The following SHISA8 variants were observed in gnomAD, a reference collection of about 807,000 sequenced individuals.
SHISA8 encodes protein shisa-8.
SHISA8 carries 21 observed loss-of-function variants against 21.1 expected under a neutral mutation model. That is an observed-to-expected ratio of 0.99 (90% CI 0.71 to 1.43). The LOEUF (loss-of-function observed/expected upper bound fraction) is 1.43, where lower values mean the gene tolerates loss of function less well. Among genes scored for constraint, SHISA8 ranks in the 40% most tolerant of loss-of-function variants. The pLI is 0.00. For synonymous variants in SHISA8, 300 were observed against 291.4 expected (o/e 1.03, Z -0.30); for missense variants, 535 against 599.1 (o/e 0.89, Z 1.12).
In SHISA8 at chr22:41,914,204, G is replaced by T. The variant is rs2077569918; in HGVS notation, c.464C>A (p.Ala155Asp). The change falls in exon 1 of 4, where the codon GCC becomes GAC. Residue 155 changes from alanine (A) to aspartate (D), a missense_variant. By Grantham distance (126) the Ala-to-Asp change is moderately radical (BLOSUM62 -2). Coordinates refer to ENST00000621082, the MANE Select transcript of SHISA8 (RefSeq NM_001207020.3). The surrounding 1 kb of genome is among the most constrained non-coding windows in gnomAD (Gnocchi z 6.8). ...CAGTCCCAGGCGCGCCCCGATGCCG[G>T]CCAGCACCAGCAGCGCTGCGACGCC... Reference protein sequence around the residue: ...VCGVAALLVLAGIGARLGLER... With the variant: ...VCGVAALLVLDGIGARLGLER... 1.4e-6 allele frequency: 2 copies of T among 1,462,798 alleles called. No individual in the cohort carries two copies. The highest frequency in any genetic ancestry group is 2.5e-5 in the Admixed American group (1 of 39,398). 90.6% of individuals were successfully genotyped at this position (1,462,798 alleles called of 1,614,324 possible). A position where few individuals can be genotyped will look rare whatever the true frequency, so the allele number is the denominator to read the frequency against.
rs1300517426 is a variant in SHISA8, at chr22:41,915,024, C to T, written c.-357G>A. Among the ~76,000 whole-genome samples, 2 of 151,888 alleles carry T rather than the reference C, an allele frequency of 1.3e-5. No individual in the cohort carries two copies. The highest frequency in any genetic ancestry group is 2.9e-5 in the Non-Finnish European group (2 of 67,932). On this transcript the variant is annotated 5_prime_UTR_variant, in exon 1 of 4. Transcript: ENST00000621082. The surrounding 1 kb of genome is among the most constrained non-coding windows in gnomAD (Gnocchi z 5.0). ...GCGGAGGCCGCGCCGGGGCCGCGGG[C>T]CGCCCGACTGCGCTACCTTCCCGCC...
At position 41,914,297 on chromosome 22, in the gene SHISA8, G is replaced by C; in HGVS notation, c.371C>G (p.Ala124Gly). The C allele has an allele frequency of 1.6e-6, 2 of 1,251,858 alleles. No individual in the cohort carries two copies. The highest frequency in any genetic ancestry group is 1.0e-6 in the Non-Finnish European group (1 of 1,001,610). 77.5% of individuals were successfully genotyped at this position (1,251,858 alleles called of 1,614,324 possible). A position where few individuals can be genotyped will look rare whatever the true frequency, so the allele number is the denominator to read the frequency against. The stretch of plus-strand genomic sequence containing the variant: ...GTCCCGGGGCGCTGCGGTGTCGCGG[G>C]CGCGGGCGGGCGGCCGGCCTGTCTG... Reference protein sequence around the residue: ...WVQTGRPPARARDTAAPRDPG... With the variant: ...WVQTGRPPARGRDTAAPRDPG... Residue 124 changes from alanine to glycine, a missense_variant, in exon 1 of 4, where the codon GCC becomes GGC. Physicochemically the swap from Ala to Gly is moderately conservative, Grantham distance 60. Coordinates refer to ENST00000621082, the MANE Select transcript of SHISA8 (RefSeq NM_001207020.3). This position sits in a 1 kb window ranked among gnomAD's most constrained non-coding sequence, Gnocchi z 6.8.
intron 2 of SHISA8, 97 bp downstream of exon 2, chr22:41,911,119 G>GTTCC: frequency 8.2e-7 from 1 of 1,224,628 alleles, no homozygotes; most frequent in Non-Finnish European, 1.0e-6. Flanking sequence ...ATTTCCACCG[G>GTTCC]GGAAGCCTCT....
intron 1 of SHISA8, among the ~76,000 whole-genome samples, chr22:41,912,643 G>A (rs1198066857): frequency 1.3e-5 from 2 of 152,172 alleles, no homozygotes; most frequent in Non-Finnish European, 2.9e-5. Flanking sequence ...GCAGAATGAA[G>A]GGTGAGACTC....
rs1219579923 is a variant in SHISA8 at position 41,914,466 on chromosome 22, C to A, written c.202G>T (p.Gly68Cys). ...CAGTTGAAGGGCGGGTCCCACTGGC[C>A]CATCACGTCGTAGTAGCCGCGGCAG... ...DRCRGYYDVM[G>C]QWDPPFNCSS... Residue 68 changes from glycine to cysteine, a missense_variant, in exon 1 of 4, where the codon GGC becomes TGC. By Grantham distance (159) the Gly-to-Cys change is radical. Transcript: ENST00000621082. This position sits in a 1 kb window ranked among gnomAD's most constrained non-coding sequence, Gnocchi z 6.8. 7.5e-7 allele frequency: 1 copy of A among 1,339,862 alleles called. No homozygotes were observed. Among genetic ancestry groups the A allele is most frequent in the South Asian group, 1.9e-5 (1 of 51,328 alleles). The allele number at this position is 1,339,862 out of a possible 1,614,324, so 83.0% of individuals were successfully genotyped here. A position where few individuals can be genotyped will look rare whatever the true frequency, so the allele number is the denominator to read the frequency against.
Position 41,910,334 on chromosome 22 carries a change from C to A in SHISA8, c.811+74G>T. 1 of 1,257,242 alleles carries A rather than the reference C, an allele frequency of 8.0e-7. No individual in the cohort carries two copies. Among genetic ancestry groups the A allele is most frequent in the South Asian group, 2.8e-5 (1 of 36,262 alleles). 77.9% of individuals were successfully genotyped at this position (1,257,242 alleles called of 1,614,324 possible). On this transcript the variant is annotated intron_variant, in intron 3 of 3. Transcript: ENST00000621082. This position sits in a 1 kb window ranked among gnomAD's most constrained non-coding sequence, Gnocchi z 6.8. ...GGAACTGGGAATTTGGCGCTTGGAG[C>A]TGCGGCCCCGCGCTTCGCAGTCCGG...
rs952469133 is a variant in SHISA8, at chr22:41,910,155, G to T, written c.812-8C>A. The T allele has an allele frequency of 8.1e-7, 1 of 1,237,190 alleles. No individual in the cohort carries two copies. The highest frequency in any genetic ancestry group is 1.6e-5 in the African/African-American group (1 of 64,128). 76.6% of individuals were successfully genotyped at this position (1,237,190 alleles called of 1,614,324 possible). ...AGTCCCGCGGGGCGGCCTCTGCGGG[G>T]ACAGGGCAGGGAAGAGTGACGCCGC... On this transcript the variant is annotated splice_region_variant and splice_polypyrimidine_tract_variant and intron_variant, in intron 3 of 3. Transcript: ENST00000621082. The surrounding 1 kb of genome is among the most constrained non-coding windows in gnomAD (Gnocchi z 6.8).
Position 41,914,208 on chromosome 22 carries a change from G to T in SHISA8, c.460C>A (p.Leu154Met). The change falls in exon 1 of 4, where the codon CTG becomes ATG. Residue 154 changes from leucine to methionine, a missense_variant. Transcript: ENST00000621082. The surrounding 1 kb of genome is among the most constrained non-coding windows in gnomAD (Gnocchi z 6.8). ...AVCGVAALLVLAGIGARLGLE... is the reference protein window; with the variant it reads ...AVCGVAALLVMAGIGARLGLE... ...CCCAGGCGCGCCCCGATGCCGGCCA[G>T]CACCAGCAGCGCTGCGACGCCGCAC... The T allele has an allele frequency of 1.4e-6, 2 of 1,461,044 alleles. No homozygotes were observed. 90.5% of individuals were successfully genotyped at this position (1,461,044 alleles called of 1,614,324 possible). A position where few individuals can be genotyped will look rare whatever the true frequency, so the allele number is the denominator to read the frequency against.
chr22:41,914,605 C>T lies in SHISA8; in HGVS notation c.63G>A (p.Ala21=). The T allele has an allele frequency of 9.2e-7, 1 of 1,092,698 alleles. No individual in the cohort carries two copies. Among genetic ancestry groups the T allele is most frequent in the Non-Finnish European group, 1.1e-6 (1 of 901,756 alleles). The allele number at this position is 1,092,698 out of a possible 1,614,324, so 67.7% of individuals were successfully genotyped here. ...GGRRPPGLRL[A]LALRLALLLA... The stretch of plus-strand genomic sequence containing the variant: ...GCAGCAACGCGAGCCGAAGCGCGAG[C>T]GCGAGCCGGAGGCCGGGAGGACGGC... The change falls in exon 1 of 4, where the codon GCG becomes GCA. Residue 21 remains alanine, a synonymous_variant. Coordinates refer to ENST00000621082, the MANE Select transcript of SHISA8 (RefSeq NM_001207020.3). The surrounding 1 kb of genome is among the most constrained non-coding windows in gnomAD (Gnocchi z 6.8).
At position 41,910,364 on chromosome 22, in the gene SHISA8, T is replaced by C. The variant is rs1176847795; in HGVS notation, c.811+44A>G. 6 of 1,249,832 alleles carry C rather than the reference T, an allele frequency of 4.8e-6. No individual in the cohort carries two copies. The East Asian group carries it at 1.9e-4, about 40-fold the overall frequency. The allele number at this position is 1,249,832 out of a possible 1,614,324, so 77.4% of individuals were successfully genotyped here. On this transcript the variant is annotated intron_variant, in intron 3 of 3. Transcript: ENST00000621082. The surrounding 1 kb of genome is among the most constrained non-coding windows in gnomAD (Gnocchi z 6.8). ...GCCCCGCGCTTCGCAGTCCGGGAGC[T>C]CGTGCGCCCAGGTGCCCTGACGCTG...
At chr22:41,911,117 C>G in intron 2 of SHISA8, 99 bp downstream of exon 2, 1 of 1,223,168 alleles carries the variant, frequency 8.2e-7, no homozygotes. Flanking sequence ...TCATTTCCAC[C>G]GGGGAAGCCT....
chr22:41,910,003 G>C lies in SHISA8; in HGVS notation c.956C>G (p.Pro319Arg). ...GGCGGCATAGGGGCCCGGCGCGGCA[G>C]GGGGCGCGTAGACCGGCGGGGCCCA... ...CPWAPPVYAP[P>R]AAPGPYAAWT... Residue 319 changes from proline to arginine, a missense_variant, in exon 4 of 4, where the codon CCT becomes CGT. Pro to Arg is a moderately radical substitution (Grantham distance 103). Transcript: ENST00000621082. This position sits in a 1 kb window ranked among gnomAD's most constrained non-coding sequence, Gnocchi z 6.8. The C allele has an allele frequency of 7.7e-7, 1 of 1,295,888 alleles. No homozygotes were observed. Among genetic ancestry groups the C allele is most frequent in the Non-Finnish European group, 9.7e-7 (1 of 1,029,790 alleles). 80.3% of individuals were successfully genotyped at this position (1,295,888 alleles called of 1,614,324 possible).
intron 1 of SHISA8, 83 bp from the exon 2 acceptor site, chr22:41,911,432 GC>G (rs1430002536): frequency 1.6e-6 from 2 of 1,227,366 alleles, no homozygotes; most frequent in African/African-American, 3.1e-5. Context: ...TCACCGTGTG[GC>G]CCTGGGCAGT....
rs1417304149 is a variant in SHISA8 at position 41,911,295 on chromosome 22, G to A, written c.585C>T (p.Thr195=). The A allele has an allele frequency of 8.0e-7, 1 of 1,251,594 alleles. No individual in the cohort carries two copies. Among genetic ancestry groups the A allele is most frequent in the Admixed American group, 4.2e-5 (1 of 23,860 alleles). The allele number at this position is 1,251,594 out of a possible 1,614,324, so 77.5% of individuals were successfully genotyped here. A position where few individuals can be genotyped will look rare whatever the true frequency, so the allele number is the denominator to read the frequency against. ...CACAGCCACCCAGGGGTGGGCCCAG[G>A]GTGGGAGGCAGTGGCTCCTGGGGGC... ...QPGPQEPLPP[T]LGPPLGGCVQ... The change falls in exon 2 of 4, where the codon ACC becomes ACT. Residue 195 remains threonine, a synonymous_variant. Transcript: ENST00000621082.
Position 41,914,590 on chromosome 22 carries a change from G to T in SHISA8, c.78C>A (p.Leu26=), listed in dbSNP as rs1201533130. Residue 26 remains leucine (L), a synonymous_variant, in exon 1 of 4, where the codon CTC becomes CTA. Coordinates refer to ENST00000621082, the MANE Select transcript of SHISA8 (RefSeq NM_001207020.3). This position sits in a 1 kb window ranked among gnomAD's most constrained non-coding sequence, Gnocchi z 6.8. ...PGLRLALALR[L]ALLLARPPSG... ...ACGGCGGCCGCGCCAGCAGCAACGC[G>T]AGCCGAAGCGCGAGCGCGAGCCGGA... 5 of 1,125,184 alleles carry T rather than the reference G, an allele frequency of 4.4e-6. No individual in the cohort carries two copies. Among genetic ancestry groups the T allele is most frequent in the Non-Finnish European group, 5.4e-6 (5 of 921,678 alleles). 69.7% of individuals were successfully genotyped at this position (1,125,184 alleles called of 1,614,324 possible). A position where few individuals can be genotyped will look rare whatever the true frequency, so the allele number is the denominator to read the frequency against.
intron 1 of SHISA8, among the ~76,000 whole-genome samples, chr22:41,912,113 G>A (rs182873564): frequency 1.2e-3 from 183 of 152,310 alleles, no homozygotes; most frequent in African/African-American, 4.3e-3. Context: ...TGCCATCACG[G>A]GCATGAAGGA....
In SHISA8 at chr22:41,911,249, C is replaced by T. The variant is rs953888482; in HGVS notation, c.631G>A (p.Gly211Ser). ...GGCVQVQMGD[G>S]LPRGSPHNSA... ...TTGTGGGGGGAGCCCCGGGGGAGGC[C>T]GTCCCCCATCTGCACCTGGACACAG... The change falls in exon 2 of 4, where the codon GGC becomes AGC. Residue 211 changes from glycine to serine, a missense_variant. Coordinates refer to ENST00000621082, the MANE Select transcript of SHISA8 (RefSeq NM_001207020.3). The T allele has an allele frequency of 2.8e-5, 36 of 1,282,804 alleles. No individual in the cohort carries two copies. Among genetic ancestry groups the T allele is most frequent in the Non-Finnish European group, 3.5e-5 (36 of 1,015,102 alleles). The allele number at this position is 1,282,804 out of a possible 1,614,324, so 79.5% of individuals were successfully genotyped here. A position where few individuals can be genotyped will look rare whatever the true frequency, so the allele number is the denominator to read the frequency against.
rs962986292 is a variant in SHISA8, at chr22:41,909,652, T to C, written c.*113A>G. The C allele has an allele frequency of 4.6e-6, 6 of 1,307,380 alleles. No individual in the cohort carries two copies. The Admixed American group carries it at 1.5e-4, about 32-fold the overall frequency. The allele number at this position is 1,307,380 out of a possible 1,614,324, so 81.0% of individuals were successfully genotyped here. On this transcript the variant is annotated 3_prime_UTR_variant, in exon 4 of 4. Coordinates refer to ENST00000621082, the MANE Select transcript of SHISA8 (RefSeq NM_001207020.3). Reference sequence around the variant, plus strand: ...TGCAGGCTCCAAGACACCACTGCCGTTGAGGCAGACAGAAGAGCTGGCCTT... The same window carrying C: ...TGCAGGCTCCAAGACACCACTGCCGCTGAGGCAGACAGAAGAGCTGGCCTT...
In SHISA8 at chr22:41,910,470, A is replaced by G; in HGVS notation, c.749T>C (p.Leu250Pro). The change falls in exon 3 of 4, where the codon CTG (leucine) becomes CCG (proline). Residue 250 changes from leucine to proline, a missense_variant. Physicochemically the swap from Leu to Pro is moderately conservative, Grantham distance 98. Transcript: ENST00000621082. This position sits in a 1 kb window ranked among gnomAD's most constrained non-coding sequence, Gnocchi z 6.8. ...CTTGGCGTAGTCTGGCTGCAGCGTCAGGCTGCCGCCGCCCTGCAGCCGCGG... is the reference window on the plus strand; with the variant it reads ...CTTGGCGTAGTCTGGCTGCAGCGTCGGGCTGCCGCCGCCCTGCAGCCGCGG... Reference protein sequence around the residue: ...RGPRLQGGGSLTLQPDYAKYA... With the variant: ...RGPRLQGGGSPTLQPDYAKYA... The G allele has an allele frequency of 7.7e-7, 1 of 1,290,830 alleles. No homozygotes were observed. Among genetic ancestry groups the G allele is most frequent in the Non-Finnish European group, 9.8e-7 (1 of 1,025,030 alleles). 80.0% of individuals were successfully genotyped at this position (1,290,830 alleles called of 1,614,324 possible). A position where few individuals can be genotyped will look rare whatever the true frequency, so the allele number is the denominator to read the frequency against.
Sources: gnomAD v4.1 joint callset for allele counts (sites outside exome capture counted in the v4.1 genomes callset) on GRCh38, gnomAD v4.1.1 for gene constraint, Gnocchi (gnomAD v3.1) non-coding constraint, MANE v1.5 for transcripts, NCBI Gene and HGNC (gene_info 2026-07-23, HGNC 2026-07-21) for gene names.